Variants in NFILZ observed in about 807,000 individuals in gnomAD.
NFILZ encodes NFIL3 like protein.
In NFILZ at chr19:8,678,090, A is replaced by AC. The variant is rs2043122724; in HGVS notation, c.*455_*456insC. Among the ~76,000 whole-genome samples the AC allele has an allele frequency of 1.2e-3, 1 of 828 alleles. No individual in the cohort carries two copies. Among genetic ancestry groups the AC allele is most frequent in the Non-Finnish European group, 2.4e-3 (1 of 424 alleles). 0.5% of individuals were successfully genotyped at this position (828 alleles called of 152,430 possible). A position where few individuals can be genotyped will look rare whatever the true frequency, so the allele number is the denominator to read the frequency against. On this transcript the variant is annotated 3_prime_UTR_variant, in exon 6 of 6. Coordinates refer to ENST00000691075, the MANE Select transcript of NFILZ (RefSeq NM_001378600.1). ...CATCCATCCATCAATCCATCCATCC[A>AC]TTCCATCCATCCATCCATCCATCCA...
intron 2 of NFILZ, among the ~76,000 whole-genome samples, chr19:8,633,936 TTCCTTCCTTCCC>T (rs2042883014): frequency 2.2e-5 from 3 of 139,084 alleles, no homozygotes; most frequent in Middle Eastern, 3.5e-3. Flanking sequence ...CCTTCCTTCC[TTCCTTCCTTCCC>T]TCCCTTCTTT....
At chr19:8,664,560 C>T (rs1159693400) in intron 3 of NFILZ, among the ~76,000 whole-genome samples, 1 of 152,132 alleles carries the variant, frequency 6.6e-6, no homozygotes, top group East Asian at 1.9e-4. Context: ...AGAAGCGTCT[C>T]GGTTTTAGAG....
At chr19:8,673,671 C>T (rs1173902154) in intron 3 of NFILZ, among the ~76,000 whole-genome samples, 1 of 152,060 alleles carries the variant, frequency 6.6e-6, no homozygotes, top group Non-Finnish European at 1.5e-5. Context: ...AGGTCCTGGG[C>T]ATGGGCACTG....
At chr19:8,665,482 T>C (rs1230944341) in intron 3 of NFILZ, among the ~76,000 whole-genome samples, 2 of 152,164 alleles carry the variant, frequency 1.3e-5, no homozygotes, top group Non-Finnish European at 2.9e-5. Flanking sequence ...AAACAGGGTA[T>C]GAGTCCAAAT....
intron 3 of NFILZ, among the ~76,000 whole-genome samples, chr19:8,657,963 G>C (rs1475276497): frequency 6.6e-6 from 1 of 152,178 alleles, no homozygotes; most frequent in Non-Finnish European, 1.5e-5. Flanking sequence ...GGTTTGGCAG[G>C]ACTGGCGGTC....
At chr19:8,658,731 C>G (rs2146158129) in intron 3 of NFILZ, among the ~76,000 whole-genome samples, 1 of 152,248 alleles carries the variant, frequency 6.6e-6, no homozygotes, top group Non-Finnish European at 1.5e-5. Flanking sequence ...TATATGCCAG[C>G]CCCCACAGTG....
chr19:8,655,256 C>T (rs1205343827), intron 3 of NFILZ, among the ~76,000 whole-genome samples: 2 of 152,166 alleles, frequency 1.3e-5, no homozygotes, highest in East Asian at 3.9e-4. Context: ...AGGACAGAGC[C>T]TCCTTCCCTT....
intron 2 of NFILZ, among the ~76,000 whole-genome samples, chr19:8,633,387 C>A (rs1555745763): frequency 6.6e-6 from 1 of 152,102 alleles, no homozygotes; most frequent in African/African-American, 2.4e-5. Context: ...ATCTTTCTTG[C>A]GGGGGACCTA....
At chr19:8,634,886 CAAACAAACAAACAAACAAAA>C (rs1473802697) in intron 2 of NFILZ, among the ~76,000 whole-genome samples, 13 of 137,180 alleles carry the variant, frequency 9.5e-5, no homozygotes, top group African/African-American at 2.2e-4. Context: ...AACAAACAAA[CAAACAAACAAACAAACAAAA>C]AAACAAAAAA....
intron 3 of NFILZ, among the ~76,000 whole-genome samples, chr19:8,662,195 A>ACCC (rs1376455833): frequency 5.4e-5 from 8 of 147,786 alleles, no homozygotes; most frequent in African/African-American, 2.0e-4. Flanking sequence ...ACAGAGCAAG[A>ACCC]CTCTGTCTTA....
At chr19:8,655,962 C>G (rs2042990258) in intron 3 of NFILZ, among the ~76,000 whole-genome samples, 1 of 151,954 alleles carries the variant, frequency 6.6e-6, no homozygotes, top group Non-Finnish European at 1.5e-5. Context: ...TGTGTCTCTG[C>G]CTGTCCCTGT....
At chr19:8,669,434 A>G (rs1168116407) in intron 3 of NFILZ, among the ~76,000 whole-genome samples, 1 of 152,322 alleles carries the variant, frequency 6.6e-6, no homozygotes, top group African/African-American at 2.4e-5. Flanking sequence ...GCCCAGGCAC[A>G]CTTAGCTAGG....
At chr19:8,643,972 C>T (rs2042928971) in intron 3 of NFILZ, among the ~76,000 whole-genome samples, 1 of 152,082 alleles carries the variant, frequency 6.6e-6, no homozygotes, top group Non-Finnish European at 1.5e-5. Flanking sequence ...GTGGGGTTCT[C>T]TCTCTCAGCC....
chr19:8,640,157 C>T (rs2042912771), intron 3 of NFILZ, among the ~76,000 whole-genome samples: 2 of 152,012 alleles, frequency 1.3e-5, no homozygotes, highest in Non-Finnish European at 2.9e-5. Context: ...CTTGCCCTCA[C>T]CCACCTTCCT....
intron 3 of NFILZ, among the ~76,000 whole-genome samples, chr19:8,656,483 AGCCCACCTTCTCCCG>A (rs2043003058): frequency 6.9e-5 from 5 of 72,342 alleles, no homozygotes; most frequent in South Asian, 4.3e-4. Context: ...CTTCTCCCGC[AGCCCACCTTCTCCCG>A]CAGCCCACCT....
chr19:8,644,091 C>CATTG lies in NFILZ; in HGVS notation c.-164+8365_-164+8368dup, dbSNP rs1408067028. 1.6e-4 allele frequency among the ~76,000 whole-genome samples: 24 copies of CATTG among 152,098 alleles called. 2 individuals carry two copies. Among genetic ancestry groups the CATTG allele is most frequent in the Admixed American group, 5.9e-4 (9 of 15,250 alleles). ...AGTGTGACTGAATTTGGAGATAGGG[C>CATTG]ATTGATTGATTGATTGATTGATTAA... On this transcript the variant is annotated intron_variant, in intron 3 of 5. Transcript: ENST00000691075.
At chr19:8,645,803 C>A (rs1417421915) in intron 3 of NFILZ, among the ~76,000 whole-genome samples, 1 of 152,094 alleles carries the variant, frequency 6.6e-6, no homozygotes, top group Non-Finnish European at 1.5e-5. Context: ...AGGAGAGGCA[C>A]CAGAGCCTTG....
At chr19:8,665,395 T>C (rs1045369746) in intron 3 of NFILZ, among the ~76,000 whole-genome samples, 3 of 151,868 alleles carry the variant, frequency 2.0e-5, no homozygotes, top group African/African-American at 7.3e-5. Context: ...GCTAAGGGGG[T>C]ACTAAGGCCA....
intron 3 of NFILZ, among the ~76,000 whole-genome samples, chr19:8,646,397 T>C (rs1432530265): frequency 1.3e-5 from 2 of 152,082 alleles, no homozygotes; most frequent in African/African-American, 4.8e-5. Context: ...CGCAGAGAGG[T>C]TAAGCAATTT....
Sources: gnomAD v4.1 joint callset for allele counts (sites outside exome capture counted in the v4.1 genomes callset) on GRCh38, gnomAD v4.1.1 for gene constraint, MANE v1.5 for transcripts, NCBI Gene and HGNC (gene_info 2026-07-23, HGNC 2026-07-21) for gene names.